KIFAP3: variants seen among roughly 807,000 people sequenced by gnomAD.
KIFAP3 encodes kinesin associated protein 3, also known as kinesin-associated protein 3.
A neutral mutation model predicts 106.5 loss-of-function variants in KIFAP3; 68 were observed. The ratio of observed to expected loss-of-function variants is 0.64; its 90% confidence interval spans 0.53 to 0.78. KIFAP3 has a LOEUF of 0.78. KIFAP3 is among the 30% of genes least tolerant of loss of function. KIFAP3 has a pLI of 0.00. For missense variants in KIFAP3, 780 were observed against 941.8 expected, an observed-to-expected ratio of 0.83 and a Z score of 2.25; for synonymous variants, 320 against 311.5, an observed-to-expected ratio of 1.03 and a Z score of -0.29.
intron 19 of KIFAP3, among the ~76,000 whole-genome samples, chr1:169,948,054 CTTAT>C (rs1234158138): frequency 6.6e-6 from 1 of 151,324 alleles, no homozygotes; most frequent in East Asian, 1.9e-4. Flanking sequence ...CACATAATAA[CTTAT>C]TTATCAGTCT....
chr1:169,952,695 G>C (rs1169522984), intron 19 of KIFAP3, among the ~76,000 whole-genome samples: 2 of 151,910 alleles, frequency 1.3e-5, no homozygotes, highest in African/African-American at 4.8e-5. Context: ...TGTGTGAATT[G>C]GTTAGTTAAC....
In KIFAP3 at chr1:170,016,415, T is replaced by C. The variant is rs775538051; in HGVS notation, c.1183+47A>G. The C allele has an allele frequency of 4.7e-6, 7 of 1,482,496 alleles. No individual in the cohort carries two copies. The South Asian group carries it at 8.8e-5, about 19-fold the overall frequency. 91.8% of individuals were successfully genotyped at this position (1,482,496 alleles called of 1,614,324 possible). On this transcript the variant is annotated intron_variant, in intron 10 of 19. Coordinates refer to ENST00000361580, the MANE Select transcript of KIFAP3 (RefSeq NM_014970.4). ...AACACAGAGCTCAATTTTCCAGCGA[T>C]GTTGGAAATTCCAGACAACACTGTC... is the stretch of plus-strand genomic sequence containing the variant.
chr1:169,971,848 T>C (rs892508717), intron 17 of KIFAP3, among the ~76,000 whole-genome samples: 11 of 152,030 alleles, frequency 7.2e-5, no homozygotes, highest in African/African-American at 2.6e-4. Context: ...ATGCCATATA[T>C]AAAAAATACT....
chr1:170,057,720 G>C lies in KIFAP3; in HGVS notation c.33-2284C>G, dbSNP rs115181932. ...AATGATGTCAGATATTTAACTACTG[G>C]GAGGATTAATTTCCAAACGTTCTAC... On this transcript the variant is annotated intron_variant, in intron 1 of 19. Coordinates refer to ENST00000361580, the MANE Select transcript of KIFAP3 (RefSeq NM_014970.4). Among the ~76,000 whole-genome samples the C allele has an allele frequency of 8.2e-3, 1,235 of 151,464 alleles. 22 individuals carry two copies. Among genetic ancestry groups the C allele is most frequent in the African/African-American group, 0.027 (1,130 of 41,378 alleles).
At chr1:170,050,165 G>A (rs1262808836) in intron 2 of KIFAP3, among the ~76,000 whole-genome samples, 1 of 152,028 alleles carries the variant, frequency 6.6e-6, no homozygotes, top group Non-Finnish European at 1.5e-5. Context: ...TGATGGAGCT[G>A]AAAAACACAG....
chr1:170,046,494 G>A (rs10919286), intron 3 of KIFAP3, among the ~76,000 whole-genome samples: 1 of 152,012 alleles, frequency 6.6e-6, no homozygotes, highest in Admixed American at 6.6e-5. Context: ...ACATGAAAAA[G>A]AATTAGACCA....
At chr1:169,943,663 C>G (rs1453623624) in intron 19 of KIFAP3, among the ~76,000 whole-genome samples, 1 of 152,068 alleles carries the variant, frequency 6.6e-6, no homozygotes, top group African/African-American at 2.4e-5. Flanking sequence ...AAGAGCATTT[C>G]TAGGTCAAAT....
intron 12 of KIFAP3, among the ~76,000 whole-genome samples, chr1:169,984,027 A>G (rs1188098150): frequency 2.0e-5 from 3 of 151,912 alleles, no homozygotes; most frequent in African/African-American, 7.2e-5. Flanking sequence ...ATCATGATAT[A>G]TAGACAATCA....
At chr1:170,016,170 T>C (rs536776490) in intron 10 of KIFAP3, among the ~76,000 whole-genome samples, 1 of 152,214 alleles carries the variant, frequency 6.6e-6, no homozygotes, top group African/African-American at 2.4e-5. Context: ...GAAGATAAAA[T>C]ATTTTTTTCC....
chr1:170,032,271 G>C (rs910498406), intron 7 of KIFAP3: 1 of 229,330 alleles, frequency 4.4e-6, no homozygotes, highest in Non-Finnish European at 8.6e-6. Flanking sequence ...TGAATTCCCA[G>C]AAACTATATG....
intron 8 of KIFAP3, among the ~76,000 whole-genome samples, chr1:170,029,809 C>T (rs1669301538): frequency 6.6e-6 from 1 of 151,646 alleles, no homozygotes; most frequent in Non-Finnish European, 1.5e-5. Context: ...AAAATAGAAA[C>T]CCAAAAATAG....
At chr1:169,935,732 C>A (rs529639366) in intron 19 of KIFAP3, among the ~76,000 whole-genome samples, 36 of 151,902 alleles carry the variant, frequency 2.4e-4, no homozygotes, top group Middle Eastern at 3.4e-3. Context: ...ACTTAAGAAT[C>A]AAGATAAATA....
intron 19 of KIFAP3, among the ~76,000 whole-genome samples, chr1:169,943,950 T>G (rs1664278173): frequency 6.6e-6 from 1 of 152,230 alleles, no homozygotes. Context: ...CGTTTTAAAT[T>G]TATAGACTCA....
intron 1 of KIFAP3, among the ~76,000 whole-genome samples, chr1:170,060,262 C>T (rs1571752351): frequency 1.3e-5 from 2 of 152,272 alleles, no homozygotes; most frequent in East Asian, 1.9e-4. Context: ...ATTTAGAAAA[C>T]CCCATCGTCT....
intron 9 of KIFAP3, among the ~76,000 whole-genome samples, chr1:170,022,542 G>C (rs1471880094): frequency 6.6e-6 from 1 of 152,036 alleles, no homozygotes; most frequent in Non-Finnish European, 1.5e-5. Flanking sequence ...TAATGTCTCT[G>C]GTCCTCTCCT....
intron 3 of KIFAP3, among the ~76,000 whole-genome samples, chr1:170,041,412 C>T (rs371817671): frequency 1.3e-5 from 2 of 152,164 alleles, no homozygotes; most frequent in Non-Finnish European, 2.9e-5. Context: ...GAGGCCAAGG[C>T]AGGAGGATCG....
chr1:169,921,908 T>C, intron 19 of KIFAP3, 127 bp from the exon 20 acceptor site: 1 of 562,460 alleles, frequency 1.8e-6, no homozygotes, highest in Non-Finnish European at 2.8e-6. Flanking sequence ...TAGGTGGATA[T>C]CATTAACTTT....
chr1:170,010,619 C>T (rs1361064848), intron 10 of KIFAP3, among the ~76,000 whole-genome samples: 1 of 151,826 alleles, frequency 6.6e-6, no homozygotes, highest in Non-Finnish European at 1.5e-5. Context: ...GTCATTAACA[C>T]CAATCTCACA....
intron 14 of KIFAP3, 25 bp downstream of exon 14, chr1:169,982,677 C>T: frequency 6.8e-7 from 1 of 1,477,066 alleles, no homozygotes; most frequent in Non-Finnish European, 9.2e-7. Flanking sequence ...AGTGATTATA[C>T]AAAAGTGAAA....
Sources: allele counts gnomAD v4.1 joint callset (sites outside exome capture counted in the v4.1 genomes callset), GRCh38; gene constraint gnomAD v4.1.1; transcripts MANE v1.5; gene names NCBI Gene and HGNC (gene_info 2026-07-23, HGNC 2026-07-21).